RORA: variants seen among roughly 807,000 people sequenced by gnomAD.
RORA encodes nuclear receptor ROR-alpha.
In RORA, 7 loss-of-function variants were observed where a neutral mutation model predicts 69.5. The ratio of observed to expected loss-of-function variants is 0.10; its 90% CI spans 0.06 to 0.19. The LOEUF is 0.19. Among genes scored for constraint, RORA ranks in the 10% least tolerant of loss-of-function variants. The pLI is 1.00. For missense variants in RORA, 457 were observed against 663.0 expected, an observed-to-expected ratio of 0.69 and a Z score of 3.41; for synonymous variants, 261 against 240.8, an observed-to-expected ratio of 1.08 and a Z score of -0.78.
At chr15:61,201,885 C>T (rs1413361113) in intron 1 of RORA, among the ~76,000 whole-genome samples, 1 of 152,106 alleles carries the variant, frequency 6.6e-6, no homozygotes, top group Non-Finnish European at 1.5e-5. Flanking sequence ...ACACAAAGAA[C>T]AAATTAGTTC....
chr15:60,718,746 G>C (rs1309142328), intron 1 of RORA, among the ~76,000 whole-genome samples: 1 of 152,198 alleles, frequency 6.6e-6, no homozygotes, highest in Non-Finnish European at 1.5e-5. Context: ...GCAGGAAGCA[G>C]ATGAGGAAGT....
At chr15:60,561,566 T>C (rs1215935313) in intron 2 of RORA, among the ~76,000 whole-genome samples, 1 of 152,158 alleles carries the variant, frequency 6.6e-6, no homozygotes, top group Non-Finnish European at 1.5e-5. Context: ...CATCTTTATG[T>C]TAAAGCTTTA....
chr15:60,721,933 G>A (rs1031761063), intron 1 of RORA, among the ~76,000 whole-genome samples: 5 of 152,336 alleles, frequency 3.3e-5, no homozygotes, highest in East Asian at 3.9e-4. Context: ...CCTAGACGGC[G>A]TGCAACCAAC....
chr15:61,185,144 G>C (rs1218802774), intron 1 of RORA, among the ~76,000 whole-genome samples: 1 of 152,104 alleles, frequency 6.6e-6, no homozygotes, highest in Admixed American at 6.5e-5. Flanking sequence ...CTGTTTCGCA[G>C]GTCCTTTTGC....
intron 2 of RORA, among the ~76,000 whole-genome samples, chr15:60,654,545 C>T (rs562735385): frequency 1.3e-5 from 2 of 152,298 alleles, no homozygotes; most frequent in South Asian, 2.1e-4. Flanking sequence ...TCCCCACCCC[C>T]ACTCCCCAAT....
In RORA at chr15:60,496,187, C is replaced by T. The variant is rs913082836; in HGVS notation, c.*1268G>A. The stretch of plus-strand genomic sequence containing the variant: ...GAATTAGTTCACTCTGAGATAAACT[C>T]ATAGGGTTCCTAGATTATACCAAGA... On this transcript the variant is annotated 3_prime_UTR_variant, in exon 11 of 11. Transcript: ENST00000335670. This position sits in a 1 kb window ranked among gnomAD's most constrained non-coding sequence, Gnocchi z 4.5. 1 of 152,134 alleles carries T rather than the reference C, an allele frequency of 6.6e-6. No homozygotes were observed. Among genetic ancestry groups the T allele is most frequent in the African/African-American group, 2.4e-5 (1 of 41,436 alleles). The allele number at this position is 152,134 out of a possible 1,614,324, so 9.4% of individuals were successfully genotyped here. A position where few individuals can be genotyped will look rare whatever the true frequency, so the allele number is the denominator to read the frequency against.
chr15:60,852,350 G>T (rs2073335778), intron 1 of RORA, among the ~76,000 whole-genome samples: 1 of 152,144 alleles, frequency 6.6e-6, no homozygotes, highest in Admixed American at 6.5e-5. Flanking sequence ...CCTTGGTATG[G>T]GCCAGCTGCA....
At chr15:60,863,022 C>A (rs2073449747) in intron 1 of RORA, among the ~76,000 whole-genome samples, 1 of 152,200 alleles carries the variant, frequency 6.6e-6, no homozygotes, top group South Asian at 2.1e-4. Flanking sequence ...CTTGCTATAT[C>A]TAAACTTGGG....
intron 1 of RORA, among the ~76,000 whole-genome samples, chr15:60,871,691 C>T (rs2073557861): frequency 1.3e-5 from 2 of 152,194 alleles, no homozygotes; most frequent in South Asian, 4.1e-4. Context: ...CCAGTCTAGC[C>T]AGTTCAAAGC....
intron 1 of RORA, among the ~76,000 whole-genome samples, chr15:61,126,913 T>G (rs1160142610): frequency 6.6e-6 from 1 of 152,192 alleles, no homozygotes; most frequent in African/African-American, 2.4e-5. Flanking sequence ...CAAACAACAC[T>G]GCATGCATTT....
At chr15:61,104,639 C>A (rs190709446) in intron 1 of RORA, among the ~76,000 whole-genome samples, 19 of 152,180 alleles carry the variant, frequency 1.2e-4, no homozygotes, top group Admixed American at 7.2e-4. Context: ...CACTCTCCCC[C>A]ACTCTCTACT....
intron 1 of RORA, among the ~76,000 whole-genome samples, chr15:61,005,463 G>A (rs948993220): frequency 5.3e-5 from 8 of 152,318 alleles, no homozygotes; most frequent in African/African-American, 1.9e-4. Flanking sequence ...CTGGGCAACA[G>A]AGCGAGACTC....
chr15:60,756,542 G>A (rs776569263), intron 1 of RORA, among the ~76,000 whole-genome samples: 16 of 152,134 alleles, frequency 1.1e-4, no homozygotes, highest in African/African-American at 3.6e-4. Context: ...AGATCTCTCC[G>A]TTAAGTTCAA....
At chr15:61,127,688 A>T (rs547235163) in intron 1 of RORA, among the ~76,000 whole-genome samples, 1 of 152,216 alleles carries the variant, frequency 6.6e-6, no homozygotes, top group East Asian at 1.9e-4. Flanking sequence ...GATTTTCTTT[A>T]ATTTGACAGA....
chr15:60,725,467 A>AG (rs2071344803), intron 1 of RORA, among the ~76,000 whole-genome samples: 1 of 152,206 alleles, frequency 6.6e-6, no homozygotes, highest in Non-Finnish European at 1.5e-5. Flanking sequence ...GTTTATATTT[A>AG]GGGGGTAGAT....
intron 1 of RORA, among the ~76,000 whole-genome samples, chr15:60,761,240 T>C (rs1178861482): frequency 2.0e-5 from 3 of 152,160 alleles, no homozygotes; most frequent in East Asian, 1.9e-4. Context: ...CACTCACCAG[T>C]TGTGGCTGTG....
chr15:61,071,224 A>T (rs1462316165), intron 1 of RORA, among the ~76,000 whole-genome samples: 3 of 44,000 alleles, frequency 6.8e-5, no homozygotes, highest in African/African-American at 1.0e-4. Flanking sequence ...AGGGGAGGGG[A>T]AGGGAAGGGA....
intron 1 of RORA, among the ~76,000 whole-genome samples, chr15:60,947,232 G>A (rs1254879728): frequency 2.0e-5 from 3 of 152,218 alleles, no homozygotes; most frequent in Non-Finnish European, 4.4e-5. Context: ...GATGACGATG[G>A]CGGTTTTGTC....
chr15:61,076,936 T>TAAAAA (rs76513450), intron 1 of RORA, among the ~76,000 whole-genome samples: 1 of 139,604 alleles, frequency 7.2e-6, no homozygotes. Flanking sequence ...TTGTTCAAAG[T>TAAAAA]AAAAAAAAAA....
Sources: gnomAD v4.1 joint callset for allele counts (sites outside exome capture counted in the v4.1 genomes callset) on GRCh38, gnomAD v4.1.1 for gene constraint, Gnocchi (gnomAD v3.1) non-coding constraint, MANE v1.5 for transcripts, NCBI Gene and HGNC (gene_info 2026-07-23, HGNC 2026-07-21) for gene names.